ZDHHC14: variants seen among roughly 807,000 people sequenced by gnomAD.
ZDHHC14 encodes the protein palmitoyltransferase ZDHHC14.
ZDHHC14 carries 16 observed loss-of-function variants against 47.7 expected under a neutral mutation model. That is an observed-to-expected ratio of 0.34 (90% confidence interval 0.23 to 0.51). The LOEUF (loss-of-function observed/expected upper bound fraction) is 0.51. Among genes scored for constraint, ZDHHC14 ranks in the 20% least tolerant of loss-of-function variants. The pLI, the probability that ZDHHC14 is intolerant of heterozygous loss-of-function variation, is 0.97. For synonymous variants in ZDHHC14, 293 were observed against 278.9 expected, an observed-to-expected ratio of 1.05 and a Z score of -0.50; for missense variants, 515 against 662.5, an observed-to-expected ratio of 0.78 and a Z score of 2.44.
chr6:157,606,749 T>C (rs1309668884), intron 3 of ZDHHC14, among the ~76,000 whole-genome samples: 1 of 152,234 alleles, frequency 6.6e-6, no homozygotes, highest in Non-Finnish European at 1.5e-5. Context: ...ACTTTGCTTC[T>C]AGGGTTTGTT....
intron 3 of ZDHHC14, among the ~76,000 whole-genome samples, chr6:157,624,982 G>A (rs951577165): frequency 1.3e-5 from 2 of 152,210 alleles, no homozygotes; most frequent in Non-Finnish European, 2.9e-5. Flanking sequence ...ATGGCAGAAG[G>A]CAGGAGGGCA....
intron 1 of ZDHHC14, among the ~76,000 whole-genome samples, chr6:157,503,453 T>A (rs1267682704): frequency 6.6e-6 from 1 of 152,226 alleles, no homozygotes; most frequent in East Asian, 1.9e-4. Context: ...AGACTATCCA[T>A]GCCCTCATTT....
At chr6:157,510,029 A>C (rs1185918070) in intron 1 of ZDHHC14, among the ~76,000 whole-genome samples, 3 of 152,166 alleles carry the variant, frequency 2.0e-5, no homozygotes, top group Admixed American at 2.0e-4. Context: ...TGGATCACCC[A>C]AAGTCAGGAG....
At chr6:157,494,299 C>T (rs918256916) in intron 1 of ZDHHC14, among the ~76,000 whole-genome samples, 1 of 152,274 alleles carries the variant, frequency 6.6e-6, no homozygotes, top group African/African-American at 2.4e-5. Context: ...GGAGATCAGC[C>T]GTCCTTGGAT....
At chr6:157,647,208 G>A (rs759444286) in intron 6 of ZDHHC14, 51 bp from the exon 7 acceptor site, 8 of 1,288,018 alleles carry the variant, frequency 6.2e-6, no homozygotes, top group Non-Finnish European at 4.5e-6. Flanking sequence ...CACCTCAACT[G>A]TGCGTTGGTG....
At chr6:157,419,915 A>G (rs556440502) in intron 1 of ZDHHC14, among the ~76,000 whole-genome samples, 1 of 152,338 alleles carries the variant, frequency 6.6e-6, no homozygotes, top group Admixed American at 6.5e-5. Flanking sequence ...GCAGTGAATG[A>G]GAGTTCCTGC....
intron 1 of ZDHHC14, among the ~76,000 whole-genome samples, chr6:157,513,593 C>T (rs1780572206): frequency 6.6e-6 from 1 of 152,340 alleles, no homozygotes; most frequent in South Asian, 2.1e-4. Context: ...ATTTACACTA[C>T]ACCAGGCACA....
rs938445016 is a variant in ZDHHC14, at chr6:157,650,304, G to A, written c.965+2936G>A. Among the ~76,000 whole-genome samples, 9 of 152,132 alleles carry A rather than the reference G, an allele frequency of 5.9e-5. No homozygotes were observed. In the South Asian group the frequency reaches 1.0e-3, roughly 18 times the overall value. ...AAAGGGGGCAGCTGTGCAGGGACCC[G>A]AGGGTGAGGGTCCTGGCTCATCCCA... On this transcript the variant is annotated intron_variant, in intron 7 of 8. Transcript: ENST00000359775.
intron 1 of ZDHHC14, among the ~76,000 whole-genome samples, chr6:157,521,218 G>T (rs926119510): frequency 6.6e-6 from 1 of 152,176 alleles, no homozygotes; most frequent in Non-Finnish European, 1.5e-5. Context: ...TCTTTTCTTT[G>T]TTGTGTTTTG....
intron 1 of ZDHHC14, among the ~76,000 whole-genome samples, chr6:157,401,182 G>A (rs1777628435): frequency 1.3e-5 from 2 of 152,178 alleles, no homozygotes; most frequent in Non-Finnish European, 2.9e-5. Flanking sequence ...GTAACCCAAT[G>A]TTGAGATGTA....
At chr6:157,576,768 T>C (rs990655564) in intron 2 of ZDHHC14, among the ~76,000 whole-genome samples, 1 of 152,258 alleles carries the variant, frequency 6.6e-6, no homozygotes, top group Admixed American at 6.5e-5. Flanking sequence ...CAGAGCTTCC[T>C]ACCACTCTGG....
At chr6:157,525,406 T>A (rs905489868) in intron 1 of ZDHHC14, among the ~76,000 whole-genome samples, 1 of 151,956 alleles carries the variant, frequency 6.6e-6, no homozygotes, top group Admixed American at 6.6e-5. Flanking sequence ...GCTCCAGTGA[T>A]CCCCCTCCCT....
chr6:157,523,430 G>A (rs1163344656), intron 1 of ZDHHC14, among the ~76,000 whole-genome samples: 1 of 152,044 alleles, frequency 6.6e-6, no homozygotes, highest in Admixed American at 6.5e-5. Flanking sequence ...GGGTTCTAAT[G>A]GGACACTGGA....
At chr6:157,542,370 A>G (rs35271855) in intron 1 of ZDHHC14, among the ~76,000 whole-genome samples, 91,284 of 151,910 alleles carry the variant, frequency 0.6, 28,806 homozygotes, top group African/African-American at 0.82. Flanking sequence ...CTTGGGCGTC[A>G]TACTGGGGAG....
intron 1 of ZDHHC14, among the ~76,000 whole-genome samples, chr6:157,409,249 G>A (rs1386760721): frequency 6.6e-6 from 1 of 152,250 alleles, no homozygotes; most frequent in African/African-American, 2.4e-5. Flanking sequence ...GGGGATGTGG[G>A]TGTGTTGAAT....
chr6:157,497,423 A>G (rs1010922718), intron 1 of ZDHHC14, among the ~76,000 whole-genome samples: 2 of 152,242 alleles, frequency 1.3e-5, no homozygotes, highest in Non-Finnish European at 2.9e-5. Context: ...CCGAAGGGCC[A>G]TGATATATAC....
chr6:157,575,216 G>A (rs1562488488), intron 2 of ZDHHC14, among the ~76,000 whole-genome samples: 1 of 152,190 alleles, frequency 6.6e-6, no homozygotes, highest in Admixed American at 6.5e-5. Context: ...GATTGGAGGA[G>A]GCCCACCCTC....
At chr6:157,607,616 G>A (rs1194078272) in intron 3 of ZDHHC14, among the ~76,000 whole-genome samples, 2 of 152,174 alleles carry the variant, frequency 1.3e-5, no homozygotes, top group African/African-American at 4.8e-5. Flanking sequence ...CAGTGGCAGG[G>A]TGAGGTCTGT....
chr6:157,424,679 G>A (rs1778180950), intron 1 of ZDHHC14, among the ~76,000 whole-genome samples: 1 of 152,200 alleles, frequency 6.6e-6, no homozygotes, highest in Non-Finnish European at 1.5e-5. Context: ...AGTGATTTTA[G>A]TAACATGGGG....
Sources: allele counts gnomAD v4.1 joint callset (sites outside exome capture counted in the v4.1 genomes callset), GRCh38; gene constraint gnomAD v4.1.1; transcripts MANE v1.5; gene names NCBI Gene and HGNC (gene_info 2026-07-23, HGNC 2026-07-21).